Variants in RAPGEF1 observed in about 807,000 individuals in gnomAD.
RAPGEF1 encodes Rap guanine nucleotide exchange factor 1.
Under a neutral mutation model 143.3 loss-of-function variants are expected in RAPGEF1, and 33 were observed. That is an observed-to-expected ratio of 0.23 (90% CI 0.17 to 0.31). The LOEUF (loss-of-function observed/expected upper bound fraction) is 0.31. RAPGEF1 is among the 10% of genes least tolerant of loss of function. The probability of loss-of-function intolerance (pLI) is 1.00; values close to 1 mark genes in which losing one functional copy is unlikely to be tolerated. For synonymous variants in RAPGEF1, 629 were observed against 676.5 expected (o/e 0.93, Z 1.09); for missense variants, 1,199 against 1,645.4 (o/e 0.73, Z 4.69).
intron 12 of RAPGEF1, among the ~76,000 whole-genome samples, chr9:131,616,928 G>A (rs2282007): frequency 1.3e-5 from 2 of 151,990 alleles, no homozygotes; most frequent in African/African-American, 4.8e-5. Flanking sequence ...GGTTCCTGAG[G>A]TATTCTCCTT....
chr9:131,718,186 C>G (rs534683866), intron 1 of RAPGEF1, among the ~76,000 whole-genome samples: 1 of 152,096 alleles, frequency 6.6e-6, no homozygotes, highest in African/African-American at 2.4e-5. Context: ...AGTAAGAGAA[C>G]GGCAAGTGCA....
chr9:131,650,373 T>C lies in RAPGEF1; in HGVS notation c.202-131A>G. ...CTGGCCCTGCTGAGGCCACTAACTCTTGAGGACATCTTTGGCTGTGTCTCA... is the reference window on the plus strand; with the variant it reads ...CTGGCCCTGCTGAGGCCACTAACTCCTGAGGACATCTTTGGCTGTGTCTCA... On this transcript the variant is annotated intron_variant, in intron 2 of 26. Coordinates refer to ENST00000683357, the MANE Select transcript of RAPGEF1 (RefSeq NM_001377935.1). This position sits in a 1 kb window ranked among gnomAD's most constrained non-coding sequence, Gnocchi z 4.7. 3.0e-6 allele frequency: 2 copies of C among 663,914 alleles called. No individual in the cohort carries two copies. Among genetic ancestry groups the C allele is most frequent in the Non-Finnish European group, 5.1e-6 (2 of 390,730 alleles). The allele number at this position is 663,914 out of a possible 1,614,324, so 41.1% of individuals were successfully genotyped here.
chr9:131,643,057 A>AC (rs1429879530), intron 4 of RAPGEF1, among the ~76,000 whole-genome samples, 182 bp downstream of exon 4: 1 of 152,090 alleles, frequency 6.6e-6, no homozygotes, highest in Admixed American at 6.5e-5. Context: ...AGTAATAGTG[A>AC]CCTCAACTCT....
chr9:131,582,811 C>T, intron 24 of RAPGEF1, 109 bp from the exon 25 acceptor site: 1 of 894,222 alleles, frequency 1.1e-6, no homozygotes, highest in Non-Finnish European at 1.7e-6. Context: ...CCACCCTCTG[C>T]CCAACTCCAC....
At chr9:131,608,120 A>G (rs907690213) in intron 12 of RAPGEF1, among the ~76,000 whole-genome samples, 3 of 152,166 alleles carry the variant, frequency 2.0e-5, no homozygotes, top group Admixed American at 6.5e-5. Context: ...CAAGCTGTTC[A>G]TCTTTAAAAC....
intron 1 of RAPGEF1, among the ~76,000 whole-genome samples, chr9:131,724,766 G>A (rs1235137580): frequency 6.7e-6 from 1 of 148,964 alleles, no homozygotes; most frequent in East Asian, 2.0e-4. Flanking sequence ...ATCTGCCACA[G>A]GAAATGTCAA....
chr9:131,707,946 T>TA (rs1228426556), intron 1 of RAPGEF1, among the ~76,000 whole-genome samples: 1 of 152,178 alleles, frequency 6.6e-6, no homozygotes, highest in Non-Finnish European at 1.5e-5. Context: ...ATGGAGTTCA[T>TA]ATTCAAATTT....
chr9:131,617,500 A>G (rs1959173679), intron 12 of RAPGEF1, among the ~76,000 whole-genome samples: 1 of 152,246 alleles, frequency 6.6e-6, no homozygotes, highest in Admixed American at 6.5e-5. Context: ...GACAAGACCA[A>G]ACTGGGAACT....
chr9:131,598,742 C>A (rs977683440), intron 15 of RAPGEF1, among the ~76,000 whole-genome samples: 1 of 152,098 alleles, frequency 6.6e-6, no homozygotes, highest in Non-Finnish European at 1.5e-5. Context: ...CTTTGCTTGG[C>A]GCTAAGAAAG....
At chr9:131,636,841 G>A (rs1239365744) in intron 5 of RAPGEF1, among the ~76,000 whole-genome samples, 1 of 152,138 alleles carries the variant, frequency 6.6e-6, no homozygotes, top group East Asian at 1.9e-4. Context: ...ATCCTGGAAA[G>A]GGCCATCAGC....
chr9:131,707,861 A>G (rs1201450791), intron 1 of RAPGEF1, among the ~76,000 whole-genome samples: 1 of 152,256 alleles, frequency 6.6e-6, no homozygotes, highest in Non-Finnish European at 1.5e-5. Context: ...TATTCAAAAA[A>G]GCACACACTC....
intron 1 of RAPGEF1, among the ~76,000 whole-genome samples, chr9:131,702,695 C>T (rs1237654198): frequency 6.6e-6 from 1 of 152,172 alleles, no homozygotes; most frequent in Non-Finnish European, 1.5e-5. Flanking sequence ...GAACTTTACA[C>T]TGGGAACTTA....
At chr9:131,581,385 G>A (rs897440716) in intron 25 of RAPGEF1, among the ~76,000 whole-genome samples, 13 of 150,694 alleles carry the variant, frequency 8.6e-5, no homozygotes, top group East Asian at 2.0e-4. Context: ...CAGAGACTCC[G>A]TCTTTATTAA....
At chr9:131,599,456 C>T (rs1309475606) in intron 15 of RAPGEF1, among the ~76,000 whole-genome samples, 2 of 129,530 alleles carry the variant, frequency 1.5e-5, no homozygotes, top group Non-Finnish European at 1.6e-5. Flanking sequence ...AATTTTAAAA[C>T]AAGTGGTCAC....
rs10690802 is a variant in RAPGEF1 at position 131,627,213 on chromosome 9, CAA to C, written c.1201+698_1201+699del. ...TGGGTGACAGAGTGAGGCTCTGTCT[CAA>C]AAAAAAAAAAAAAAAAAAAAAAAAA... is the stretch of plus-strand genomic sequence containing the variant. On this transcript the variant is annotated intron_variant, in intron 9 of 26. Transcript: ENST00000683357. Among the ~76,000 whole-genome samples the C allele has an allele frequency of 8.7e-3, 846 of 97,030 alleles. 3 individuals are homozygous for C. Among genetic ancestry groups the C allele is most frequent in the African/African-American group, 0.029 (616 of 21,196 alleles). The allele number at this position is 97,030 out of a possible 152,430, so 63.7% of individuals were successfully genotyped here. A position where few individuals can be genotyped will look rare whatever the true frequency, so the allele number is the denominator to read the frequency against.
At position 131,675,045 on chromosome 9, in the gene RAPGEF1, A is replaced by C. The variant is rs1269598641; in HGVS notation, c.62-24096T>G. Among the ~76,000 whole-genome samples, 1 of 152,158 alleles carries C rather than the reference A, an allele frequency of 6.6e-6. No homozygotes were observed. The highest frequency in any genetic ancestry group is 6.5e-5 in the Admixed American group (1 of 15,276). ...GAGGAGCAGCTGGGAGGGAGGGAGCAGAGAGAAGGCGAGCGTCATAGCCCT... is the reference window on the plus strand; with the variant it reads ...GAGGAGCAGCTGGGAGGGAGGGAGCCGAGAGAAGGCGAGCGTCATAGCCCT... On this transcript the variant is annotated intron_variant, in intron 1 of 26. Coordinates refer to ENST00000683357, the MANE Select transcript of RAPGEF1 (RefSeq NM_001377935.1). This position sits in a 1 kb window ranked among gnomAD's most constrained non-coding sequence, Gnocchi z 4.6.
intron 1 of RAPGEF1, among the ~76,000 whole-genome samples, chr9:131,678,764 C>A (rs1832657610): frequency 6.6e-6 from 1 of 152,174 alleles, no homozygotes; most frequent in African/African-American, 2.4e-5. Context: ...CAAAAGGACA[C>A]CCAATCAAAC....
chr9:131,706,631 A>C (rs1589064149), intron 1 of RAPGEF1, among the ~76,000 whole-genome samples: 1 of 152,128 alleles, frequency 6.6e-6, no homozygotes, highest in African/African-American at 2.4e-5. Context: ...TCCAAAATGT[A>C]AGCAACCTTT....
intron 3 of RAPGEF1, among the ~76,000 whole-genome samples, chr9:131,645,905 T>C (rs1416384687): frequency 6.6e-6 from 1 of 152,084 alleles, no homozygotes; most frequent in Non-Finnish European, 1.5e-5. Flanking sequence ...ATGGGGAGAA[T>C]AACATCTGCC....
Sources: gnomAD v4.1 joint callset for allele counts (sites outside exome capture counted in the v4.1 genomes callset) on GRCh38, gnomAD v4.1.1 for gene constraint, Gnocchi (gnomAD v3.1) non-coding constraint, MANE v1.5 for transcripts, NCBI Gene and HGNC (gene_info 2026-07-23, HGNC 2026-07-21) for gene names.